The following RTL4 variants were observed in gnomAD, a reference collection of about 807,000 sequenced individuals.
The protein encoded by RTL4 is retrotransposon Gag-like protein 4.
In RTL4, 4 loss-of-function variants were observed where a neutral mutation model predicts 5.3. The ratio of observed to expected loss-of-function variants is 0.75; its 90% confidence interval spans 0.37 to 1.72. The LOEUF (loss-of-function observed/expected upper bound fraction) is 1.72, where lower values mean the gene tolerates loss of function less well. RTL4 is among the 40% of genes most tolerant of loss of function. The pLI is 0.04. For synonymous variants in RTL4, 98 were observed against 87.3 expected (o/e 1.12, Z -0.68); for missense variants, 260 against 227.1 (o/e 1.14, Z -0.93).
the RTL4 span, among the ~76,000 whole-genome samples, chrX:112,309,039 A>G: frequency 8.9e-6 from 1 of 111,847 alleles, no homozygotes; most frequent in African/African-American, 3.2e-5. Flanking sequence ...GAGGAAAGGG[A>G]AGTTATTGAC....
At chrX:112,248,095 T>A in the RTL4 span, among the ~76,000 whole-genome samples, 3 of 112,554 alleles carry the variant, frequency 2.7e-5, no homozygotes, top group African/African-American at 6.4e-5. Context: ...TGGCAGTGAT[T>A]TATCTAGGTT....
At chrX:112,177,463 A>G in the RTL4 span, among the ~76,000 whole-genome samples, 1 of 109,040 alleles carries the variant, frequency 9.2e-6, no homozygotes, top group Admixed American at 9.8e-5. Context: ...TTGGCAATTT[A>G]TATGTCTTCT....
At chrX:112,200,763 C>T in the RTL4 span, among the ~76,000 whole-genome samples, 1 of 112,081 alleles carries the variant, frequency 8.9e-6, no homozygotes, top group Non-Finnish European at 1.9e-5. Flanking sequence ...CATGAGTCTG[C>T]AATCATTCGG....
the RTL4 span, among the ~76,000 whole-genome samples, chrX:112,194,246 G>T: frequency 2.7e-5 from 3 of 111,751 alleles, no homozygotes; most frequent in African/African-American, 9.8e-5. Context: ...CTAAATATTT[G>T]TGTTCCCTCA....
the RTL4 span, among the ~76,000 whole-genome samples, chrX:112,412,932 G>A: frequency 3.0e-5 from 3 of 101,494 alleles, no homozygotes; most frequent in African/African-American, 7.6e-5. Flanking sequence ...CACATAATAG[G>A]AGAAAATACA....
At chrX:112,449,849 T>TA (rs1391003519), upstream of RTL4, among the ~76,000 whole-genome samples, 1 of 112,132 alleles carries the variant, frequency 8.9e-6, no homozygotes, top group Non-Finnish European at 1.9e-5. Flanking sequence ...ATTGTACAAG[T>TA]AAGGAAACAA....
chrX:112,245,484 A>C, the RTL4 span, among the ~76,000 whole-genome samples: 1 of 111,647 alleles, frequency 9.0e-6, no homozygotes, highest in Non-Finnish European at 1.9e-5. Context: ...CATTTGATTG[A>C]ATTGGCTACT....
chrX:112,347,800 G>T, the RTL4 span, among the ~76,000 whole-genome samples: 1 of 111,597 alleles, frequency 9.0e-6, no homozygotes. Context: ...AGGTTGGGTA[G>T]TTAGTCCTGC....
the RTL4 span, among the ~76,000 whole-genome samples, chrX:112,345,987 T>C: frequency 8.9e-6 from 1 of 112,086 alleles, no homozygotes; most frequent in East Asian, 2.8e-4. Context: ...AAAGCTTGTA[T>C]ACAGTATTGT....
At chrX:112,201,392 G>A in the RTL4 span, among the ~76,000 whole-genome samples, 1 of 111,414 alleles carries the variant, frequency 9.0e-6, no homozygotes, top group Admixed American at 9.5e-5. Flanking sequence ...GTATGTGTAT[G>A]TTGTATATTG....
the RTL4 span, among the ~76,000 whole-genome samples, chrX:112,280,851 A>ATTAT: frequency 5.4e-5 from 6 of 110,997 alleles, no homozygotes; most frequent in Non-Finnish European, 1.9e-5. Context: ...ATTTTTATTT[A>ATTAT]TTATTTATTT....
the RTL4 span, among the ~76,000 whole-genome samples, chrX:112,090,495 A>T: frequency 9.0e-6 from 1 of 110,872 alleles, no homozygotes; most frequent in Non-Finnish European, 1.9e-5. Flanking sequence ...CCTCATTGAG[A>T]TGTTCATATG....
At chrX:112,252,565 A>G in the RTL4 span, among the ~76,000 whole-genome samples, 1 of 111,136 alleles carries the variant, frequency 9.0e-6, no homozygotes, top group African/African-American at 3.3e-5. Flanking sequence ...AAAGTTTGCC[A>G]TTAGTATGCT....
chrX:112,381,482 C>T, the RTL4 span: 1 of 1,199,671 alleles, frequency 8.3e-7, no homozygotes, highest in African/African-American at 1.8e-5. Context: ...AGAAAAGTTA[C>T]TTGTCCAGGC....
chrX:112,091,626 T>C, the RTL4 span, among the ~76,000 whole-genome samples: 1 of 111,780 alleles, frequency 8.9e-6, no homozygotes, highest in Non-Finnish European at 1.9e-5. Context: ...ATTTCAGTCT[T>C]TGTAAATTGA....
the RTL4 span, among the ~76,000 whole-genome samples, chrX:112,363,148 G>A: frequency 4.5e-5 from 5 of 110,898 alleles, no homozygotes; most frequent in Non-Finnish European, 7.6e-5. Context: ...CTTTGTAATG[G>A]GAACACTTGG....
the RTL4 span, among the ~76,000 whole-genome samples, chrX:112,349,293 G>A: frequency 9.0e-6 from 1 of 111,227 alleles, no homozygotes; most frequent in Non-Finnish European, 1.9e-5. Flanking sequence ...GAATCCAATT[G>A]CACGGCCCTT....
At chrX:112,140,404 T>C in the RTL4 span, among the ~76,000 whole-genome samples, 3 of 112,038 alleles carry the variant, frequency 2.7e-5, no homozygotes, top group African/African-American at 6.5e-5. Context: ...TAGAAATGTA[T>C]ATGTCTTAGT....
At chrX:112,232,467 G>T in the RTL4 span, among the ~76,000 whole-genome samples, 1 of 112,162 alleles carries the variant, frequency 8.9e-6, no homozygotes, top group African/African-American at 3.2e-5. Context: ...CCCATTTTCT[G>T]TATTTTTGCA....
Sources: gnomAD v4.1 joint callset for allele counts (sites outside exome capture counted in the v4.1 genomes callset) on GRCh38, gnomAD v4.1.1 for gene constraint, MANE v1.5 for transcripts, NCBI Gene and HGNC (gene_info 2026-07-23, HGNC 2026-07-21) for gene names.